The following TRPM3 variants were observed in gnomAD, a reference collection of about 807,000 sequenced individuals.
TRPM3 encodes transient receptor potential cation channel subfamily M member 3.
TRPM3 carries 77 observed loss-of-function variants against 181.2 expected under a neutral mutation model. The ratio of observed to expected loss-of-function variants is 0.42; its 90% CI spans 0.35 to 0.51. TRPM3 has a LOEUF of 0.51. TRPM3 is among the 20% of genes least tolerant of loss of function. The pLI is 0.01. For synonymous variants in TRPM3, 745 were observed against 796.4 expected (o/e 0.94, Z 1.09); for missense variants, 1,759 against 2,196.7 (o/e 0.80, Z 3.98).
In TRPM3 at chr9:70,618,081, AT is replaced by A. The variant is rs561548133; in HGVS notation, c.2358+785del. On this transcript the variant is annotated intron_variant, in intron 17 of 25. Transcript: ENST00000677713. ...ATATTCTTTCAGTCTTCCATCTCCC[AT>A]TTTTTTCTGTCTTTCTTTTCCTTTT... 1.9e-3 allele frequency among the ~76,000 whole-genome samples: 289 copies of A among 152,146 alleles called. 1 individual carries two copies. Among genetic ancestry groups the A allele is most frequent in the African/African-American group, 6.7e-3 (277 of 41,490 alleles).
At chr9:71,061,687 C>T (rs1190528052) in intron 1 of TRPM3, among the ~76,000 whole-genome samples, 2 of 152,058 alleles carry the variant, frequency 1.3e-5, no homozygotes, top group African/African-American at 2.4e-5. Context: ...TTCATATGTG[C>T]TGCCATACCT....
intron 12 of TRPM3, among the ~76,000 whole-genome samples, chr9:70,633,811 A>G (rs1181914682): frequency 6.6e-6 from 1 of 152,212 alleles, no homozygotes; most frequent in Non-Finnish European, 1.5e-5. Context: ...TTCACTTTGT[A>G]GGTTTCTCTG....
At chr9:71,380,981 C>T (rs948058663) in intron 1 of TRPM3, among the ~76,000 whole-genome samples, 17 of 150,048 alleles carry the variant, frequency 1.1e-4, no homozygotes, top group African/African-American at 3.9e-4. Flanking sequence ...GGAACCACTC[C>T]TGTATCCACT....
chr9:70,574,628 A>G (rs2053439435), intron 22 of TRPM3, among the ~76,000 whole-genome samples: 1 of 152,216 alleles, frequency 6.6e-6, no homozygotes, highest in African/African-American at 2.4e-5. Flanking sequence ...TGAGCTCCCA[A>G]GGAGGCAGGA....
At chr9:71,214,352 T>C (rs1331793501) in intron 1 of TRPM3, among the ~76,000 whole-genome samples, 1 of 152,182 alleles carries the variant, frequency 6.6e-6, no homozygotes, top group Non-Finnish European at 1.5e-5. Flanking sequence ...TCTTTAAGAA[T>C]TAAATATATA....
At chr9:71,125,646 G>A (rs1235383589), upstream of TRPM3, among the ~76,000 whole-genome samples, 1 of 152,124 alleles carries the variant, frequency 6.6e-6, no homozygotes, top group South Asian at 2.1e-4. Flanking sequence ...GAGTAGTGCT[G>A]CAATGAACAT....
At chr9:70,633,511 C>T (rs2133434661) in intron 12 of TRPM3, among the ~76,000 whole-genome samples, 1 of 152,258 alleles carries the variant, frequency 6.6e-6, no homozygotes, top group African/African-American at 2.4e-5. Flanking sequence ...GAAAAAACTA[C>T]AGGCTTCACC....
At chr9:70,683,903 C>T (rs746053561) in intron 8 of TRPM3, among the ~76,000 whole-genome samples, 1 of 152,124 alleles carries the variant, frequency 6.6e-6, no homozygotes, top group Non-Finnish European at 1.5e-5. Context: ...TTTTGGCTGG[C>T]CCTTTAAGTC....
chr9:70,607,405 G>A (rs1203752837), intron 19 of TRPM3, among the ~76,000 whole-genome samples: 9 of 152,188 alleles, frequency 5.9e-5, no homozygotes, highest in Non-Finnish European at 1.2e-4. Context: ...CCTGGGCTTT[G>A]TCAATATGTG....
intron 1 of TRPM3, among the ~76,000 whole-genome samples, chr9:71,266,497 C>T (rs975709756): frequency 6.6e-6 from 1 of 152,156 alleles, no homozygotes; most frequent in African/African-American, 2.4e-5. Context: ...GAATCCCCTC[C>T]CTTCTTTATC....
chr9:71,407,459 G>A (rs552173309), intron 1 of TRPM3, among the ~76,000 whole-genome samples: 43 of 152,318 alleles, frequency 2.8e-4, no homozygotes, highest in African/African-American at 8.2e-4. Context: ...CAATGCCCAC[G>A]GGGCCTTGCT....
chr9:71,172,689 A>T (rs1383479517), intron 1 of TRPM3, among the ~76,000 whole-genome samples: 2 of 152,190 alleles, frequency 1.3e-5, no homozygotes, highest in Non-Finnish European at 2.9e-5. Flanking sequence ...GAGGTCTCAG[A>T]GGGAAACAAT....
intron 1 of TRPM3, among the ~76,000 whole-genome samples, chr9:71,327,553 C>T (rs113691994): frequency 0.016 from 2,394 of 152,234 alleles, 27 homozygotes; most frequent in Middle Eastern, 0.061. Flanking sequence ...ACAGGGAAAA[C>T]AGTGCAATAC....
rs1002335077 is a variant in TRPM3 at position 70,553,101 on chromosome 9, G to A, written c.3375-58C>T. The A allele has an allele frequency of 6.8e-5, 110 of 1,613,228 alleles. 2 individuals carry two copies. In the East Asian group the frequency reaches 2.1e-3, roughly 31 times the overall value. ...AAAACCCACTGTTTTCTGAAGCATC[G>A]ACTCCCCTTCACCCCTGCTGTCCTC... On this transcript the variant is annotated intron_variant, in intron 23 of 25. Transcript: ENST00000677713.
At chr9:71,431,556 A>T (rs1290417785) in intron 1 of TRPM3, among the ~76,000 whole-genome samples, 1 of 152,144 alleles carries the variant, frequency 6.6e-6, no homozygotes, top group Non-Finnish European at 1.5e-5. Flanking sequence ...GTGAGGGAAA[A>T]GACACACATT....
intron 6 of TRPM3, among the ~76,000 whole-genome samples, chr9:70,788,686 A>G (rs1049697623): frequency 2.0e-5 from 3 of 152,184 alleles, no homozygotes; most frequent in African/African-American, 7.2e-5. Context: ...ACAACTCACC[A>G]TAATGTAGAA....
chr9:71,230,335 T>G (rs1197968403), intron 1 of TRPM3, among the ~76,000 whole-genome samples: 1 of 151,336 alleles, frequency 6.6e-6, no homozygotes, highest in Non-Finnish European at 1.5e-5. Context: ...GTGGGGGGAA[T>G]GGGGCAGAAG....
At chr9:71,063,519 T>C (rs1169393998) in intron 1 of TRPM3, among the ~76,000 whole-genome samples, 4 of 152,116 alleles carry the variant, frequency 2.6e-5, no homozygotes, top group Non-Finnish European at 5.9e-5. Flanking sequence ...GAAGGGAGAA[T>C]GCCCTGTGGA....
At chr9:71,096,155 A>G (rs2067150849) in intron 1 of TRPM3, among the ~76,000 whole-genome samples, 2 of 151,938 alleles carry the variant, frequency 1.3e-5, no homozygotes, top group Admixed American at 6.6e-5. Context: ...ATTTGCTCCC[A>G]TCTTAAAATA....
Sources: gnomAD v4.1 joint callset for allele counts (sites outside exome capture counted in the v4.1 genomes callset) on GRCh38, gnomAD v4.1.1 for gene constraint, MANE v1.5 for transcripts, NCBI Gene and HGNC (gene_info 2026-07-23, HGNC 2026-07-21) for gene names.